Variants in UTRN observed in about 807,000 individuals in gnomAD.
The protein encoded by UTRN is dystrophin-related protein 1.
Under a neutral mutation model 463.9 loss-of-function variants are expected in UTRN, and 283 were observed. The observed-to-expected ratio is 0.61, with a 90% CI of 0.55 to 0.67. The LOEUF is 0.67. UTRN is among the 30% of genes least tolerant of loss of function. The pLI, the probability that UTRN is intolerant of heterozygous loss-of-function variation, is 0.00. For missense variants in UTRN, 3,922 were observed against 4,084.3 expected (o/e 0.96, Z 1.08); for synonymous variants, 1,442 against 1,431.5 (o/e 1.01, Z -0.17).
intron 66 of UTRN, among the ~76,000 whole-genome samples, chr6:144,825,620 A>G (rs1273233807): frequency 3.9e-5 from 6 of 152,150 alleles, no homozygotes; most frequent in Non-Finnish European, 8.8e-5. Context: ...GAACCAGTCA[A>G]GCAATTTGAC....
chr6:144,404,559 A>G (rs1047434565), intron 3 of UTRN, among the ~76,000 whole-genome samples: 1 of 152,212 alleles, frequency 6.6e-6, no homozygotes, highest in East Asian at 1.9e-4. Context: ...ATAACACAGT[A>G]ATTGTTTAGA....
intron 66 of UTRN, among the ~76,000 whole-genome samples, chr6:144,825,162 C>T (rs1323414197): frequency 3.9e-5 from 6 of 152,054 alleles, no homozygotes; most frequent in East Asian, 1.9e-4. Flanking sequence ...CACAAGCTAC[C>T]GAGGCTGGCC....
intron 51 of UTRN, among the ~76,000 whole-genome samples, chr6:144,609,788 TAAAC>T (rs1386420136): frequency 5.9e-5 from 9 of 151,820 alleles, no homozygotes; most frequent in African/African-American, 1.7e-4. Flanking sequence ...TCTTGGAAAA[TAAAC>T]AAATATGTGG....
intron 2 of UTRN, among the ~76,000 whole-genome samples, chr6:144,317,349 C>T (rs1225949187): frequency 5.9e-5 from 9 of 152,280 alleles, no homozygotes; most frequent in South Asian, 4.1e-4. Flanking sequence ...AGTTCGCCAA[C>T]GATTTGCCTT....
intron 23 of UTRN, among the ~76,000 whole-genome samples, chr6:144,470,832 CCGGCCAACA>C (rs1484573081): frequency 2.6e-5 from 4 of 151,822 alleles, no homozygotes; most frequent in African/African-American, 9.7e-5. Context: ...GGAGACCAGC[CCGGCCAACA>C]CGGCGAAACC....
In UTRN at chr6:144,757,941, T is replaced by C; in HGVS notation, c.8447T>C (p.Leu2816Pro). 1.9e-6 allele frequency: 3 copies of C among 1,610,844 alleles called. No homozygotes were observed. Among genetic ancestry groups the C allele is most frequent in the Non-Finnish European group, 2.5e-6 (3 of 1,178,114 alleles). Reference sequence around the variant, plus strand: ...TTTGTTTCCTCAGCGTCAGTCCAGCTGCCGTGGCAAAGATCCATTTCACAT... The same window carrying C: ...TTTGTTTCCTCAGCGTCAGTCCAGCCGCCGTGGCAAAGATCCATTTCACAT... ...SQHFLSTSVQ[L>P]PWQRSISHNK... The change falls in exon 58 of 75, where the codon CTG becomes CCG. Residue 2816 changes from leucine (L) to proline (P), a missense_variant. Around this residue, in one of 3 missense-constraint regions of UTRN, gnomAD observed 1,309 missense variants for 1,452.6 expected, o/e 0.90. Transcript: ENST00000367545.
chr6:144,428,929 C>A, intron 8 of UTRN, 36 bp downstream of exon 8: 1 of 1,426,510 alleles, frequency 7.0e-7, no homozygotes, highest in South Asian at 1.3e-5. Flanking sequence ...CTTGATTTTG[C>A]TTTACAGTTT....
chr6:144,362,286 C>T (rs1480741852), intron 2 of UTRN, among the ~76,000 whole-genome samples: 2 of 152,148 alleles, frequency 1.3e-5, no homozygotes, highest in African/African-American at 2.4e-5. Context: ...CATCCGGTGG[C>T]ACCCAGTGAC....
rs551564349 is a variant in UTRN, at chr6:144,522,303, T to C, written c.5733+132T>C. 6.2e-6 allele frequency: 4 copies of C among 645,158 alleles called. No homozygotes were observed. In the South Asian group the frequency reaches 2.3e-4, roughly 38 times the overall value. The allele number at this position is 645,158 out of a possible 1,614,324, so 40.0% of individuals were successfully genotyped here. A position where few individuals can be genotyped will look rare whatever the true frequency, so the allele number is the denominator to read the frequency against. ...CCAGGGGATTAATAATATGTATGACTAGTAAAGCTTTCCTATATTGTCAAA... is the reference window on the plus strand; with the variant it reads ...CCAGGGGATTAATAATATGTATGACCAGTAAAGCTTTCCTATATTGTCAAA... On this transcript the variant is annotated intron_variant, in intron 40 of 74. Coordinates refer to ENST00000367545, the MANE Select transcript of UTRN (RefSeq NM_007124.3).
intron 69 of UTRN, among the ~76,000 whole-genome samples, chr6:144,833,109 C>T (rs978259308): frequency 9.2e-5 from 14 of 152,164 alleles, no homozygotes; most frequent in African/African-American, 2.9e-4. Flanking sequence ...CGTGAGCCAC[C>T]GTGCCCAGCC....
chr6:144,802,088 A>G (rs561070712), intron 64 of UTRN, among the ~76,000 whole-genome samples: 1 of 152,212 alleles, frequency 6.6e-6, no homozygotes, highest in Non-Finnish European at 1.5e-5. Flanking sequence ...AAAAGAGAGA[A>G]TGGCTATCTG....
intron 69 of UTRN, among the ~76,000 whole-genome samples, chr6:144,834,049 A>G (rs931221268): frequency 6.6e-6 from 1 of 152,128 alleles, no homozygotes; most frequent in Non-Finnish European, 1.5e-5. Context: ...AGGTTCCTTC[A>G]TTCATTTCCC....
chr6:144,487,089 T>C (rs780296324), intron 28 of UTRN, among the ~76,000 whole-genome samples: 8 of 152,224 alleles, frequency 5.3e-5, no homozygotes, highest in Non-Finnish European at 8.8e-5. Flanking sequence ...TTTGCTTGTA[T>C]AGTACTGTTC....
chr6:144,449,352 A>G (rs1366455305), intron 17 of UTRN, among the ~76,000 whole-genome samples: 10 of 152,090 alleles, frequency 6.6e-5, no homozygotes, highest in Non-Finnish European at 1.5e-4. Flanking sequence ...GCTCATTTCC[A>G]CTTCTCTTCC....
At chr6:144,760,046 A>G (rs1228163057) in intron 58 of UTRN, among the ~76,000 whole-genome samples, 4 of 152,138 alleles carry the variant, frequency 2.6e-5, no homozygotes, top group Admixed American at 2.6e-4. Flanking sequence ...TGTTTATATC[A>G]TGATTATCTG....
intron 2 of UTRN, among the ~76,000 whole-genome samples, chr6:144,301,370 A>T (rs959174974): frequency 6.6e-6 from 1 of 151,988 alleles, no homozygotes; most frequent in African/African-American, 2.4e-5. Flanking sequence ...GAACACATGC[A>T]TATGCTTGCT....
chr6:144,598,571 G>A (rs1216962507), intron 51 of UTRN, among the ~76,000 whole-genome samples: 1 of 152,152 alleles, frequency 6.6e-6, no homozygotes, highest in African/African-American at 2.4e-5. Flanking sequence ...GATTCTCTAT[G>A]GAATGTAGAT....
At chr6:144,331,565 T>C (rs1776335042) in intron 2 of UTRN, among the ~76,000 whole-genome samples, 2 of 152,228 alleles carry the variant, frequency 1.3e-5, no homozygotes, top group Non-Finnish European at 2.9e-5. Context: ...TTAGTGCCCC[T>C]GCATCCATTT....
At chr6:144,452,431 T>C (rs1370839127) in intron 18 of UTRN, among the ~76,000 whole-genome samples, 2 of 152,140 alleles carry the variant, frequency 1.3e-5, no homozygotes, top group Non-Finnish European at 2.9e-5. Flanking sequence ...ACTATTTGAA[T>C]AGTATATAAA....
Sources: allele counts gnomAD v4.1 joint callset (sites outside exome capture counted in the v4.1 genomes callset), GRCh38; gene constraint gnomAD v4.1.1; regional missense constraint gnomAD v4.1.1; transcripts MANE v1.5; gene names NCBI Gene and HGNC (gene_info 2026-07-23, HGNC 2026-07-21).